The following PLXND1 variants were observed in gnomAD, a reference collection of about 807,000 sequenced individuals.
PLXND1 encodes plexin D1.
Under a neutral mutation model 197.7 loss-of-function variants are expected in PLXND1, and 54 were observed. The observed-to-expected ratio is 0.27, with a 90% CI of 0.22 to 0.34. PLXND1 has a LOEUF of 0.34. PLXND1 is among the 10% of genes least tolerant of loss of function. The probability of loss-of-function intolerance (pLI) is 1.00; values close to 1 mark genes in which losing one functional copy is unlikely to be tolerated. For missense variants in PLXND1, 2,127 were observed against 2,699.2 expected (o/e 0.79, Z 4.70); for synonymous variants, 1,180 against 1,161.2 (o/e 1.02, Z -0.33).
rs577383706 is a variant in PLXND1, at chr3:129,586,207, C to T, written c.1686G>A (p.Ala562=). Residue 562 remains alanine (A), a synonymous_variant, in exon 4 of 36, where the codon GCG becomes GCA. Transcript: ENST00000324093. ...GGGCACACCAGCCGCAGTAGGCGTCCGCCGCACCCACGCAGTCCCCACAGG... is the reference window on the plus strand; with the variant it reads ...GGGCACACCAGCCGCAGTAGGCGTCTGCCGCACCCACGCAGTCCCCACAGG... ...HSTCGDCVGA[A]DAYCGWCALE... The T allele has an allele frequency of 3.9e-5, 63 of 1,604,352 alleles. No homozygotes were observed. The highest frequency in any genetic ancestry group is 2.5e-4 in the East Asian group (11 of 44,638).
Position 129,585,962 on chromosome 3 carries a change from T to C in PLXND1, c.1841A>G (p.Gln614Arg). 5.6e-6 allele frequency: 9 copies of C among 1,614,058 alleles called. No individual in the cohort carries two copies. The highest frequency in any genetic ancestry group is 7.6e-6 in the Non-Finnish European group (9 of 1,180,008). The change falls in exon 5 of 36, where the codon CAG (glutamine) becomes CGG (arginine). Residue 614 changes from glutamine to arginine, a missense_variant. Transcript: ENST00000324093. Reference sequence around the variant, plus strand: ...TCCCCCAGGACTCACTGGGTACTCCTGGCGCACATCGATCTCGGAAGGCAG... The same window carrying C: ...TCCCCCAGGACTCACTGGGTACTCCCGGCGCACATCGATCTCGGAAGGCAG... The part of the protein sequence containing the change: ...TVLPSEIDVR[Q>R]EYPGMILQIS...
intron 1 of PLXND1, among the ~76,000 whole-genome samples, chr3:129,603,271 G>T (rs2085736505): frequency 6.6e-6 from 1 of 152,212 alleles, no homozygotes; most frequent in Non-Finnish European, 1.5e-5. Context: ...TCCCTGGAGA[G>T]GCCCTGTCCC....
In PLXND1 at chr3:129,564,941, G is replaced by A. The variant is rs190735955; in HGVS notation, c.4521+399C>T. Among the ~76,000 whole-genome samples, 258 of 152,352 alleles carry A rather than the reference G, an allele frequency of 1.7e-3. 3 individuals are homozygous for A. The highest frequency in any genetic ancestry group is 6.0e-3 in the African/African-American group (248 of 41,590). On this transcript the variant is annotated intron_variant, in intron 25 of 35. Coordinates refer to ENST00000324093, the MANE Select transcript of PLXND1 (RefSeq NM_015103.3). ...GGCCTCGTGAGCTGAGCTCTGCTGC[G>A]AGGCACTGGCCACCCTGTATTTTGT...
chr3:129,578,496 C>A, intron 8 of PLXND1, 63 bp from the exon 9 acceptor site: 1 of 972,974 alleles, frequency 1.0e-6, no homozygotes. Context: ...CAGGAGGACT[C>A]ACTGCACCCC....
intron 9 of PLXND1, 115 bp downstream of exon 9, chr3:129,578,214 A>C: frequency 2.8e-6 from 2 of 715,952 alleles, no homozygotes; most frequent in South Asian, 3.0e-5. Context: ...CAGGTGCGAA[A>C]GCACTGCAGT....
chr3:129,563,553 T>C (rs2085093907), intron 25 of PLXND1, among the ~76,000 whole-genome samples: 2 of 152,248 alleles, frequency 1.3e-5, no homozygotes, highest in African/African-American at 2.4e-5. Context: ...ATCACCCAGC[T>C]GGGAAGCGGC....
At chr3:129,581,720 T>C (rs969997985) in intron 8 of PLXND1, among the ~76,000 whole-genome samples, 4 of 152,232 alleles carry the variant, frequency 2.6e-5, no homozygotes, top group Non-Finnish European at 5.9e-5. Context: ...AGCTCACACC[T>C]GAGGCTCTTG....
intron 32 of PLXND1, 57 bp downstream of exon 32, chr3:129,559,563 C>G (rs751398040): frequency 2.1e-6 from 3 of 1,424,828 alleles, no homozygotes; most frequent in Non-Finnish European, 2.9e-6. Context: ...CTCTGAACCC[C>G]CTGCCACAGG....
At chr3:129,584,986 C>G (rs1165448112) in intron 5 of PLXND1, among the ~76,000 whole-genome samples, 1 of 152,164 alleles carries the variant, frequency 6.6e-6, no homozygotes, top group Non-Finnish European at 1.5e-5. Context: ...ACCCGCTCCC[C>G]ACCCCTGTTC....
In PLXND1 at chr3:129,557,502, G is replaced by A. The variant is rs556283640; in HGVS notation, c.5446-279C>T. 1.1e-4 allele frequency among the ~76,000 whole-genome samples: 16 copies of A among 152,196 alleles called. No individual in the cohort carries two copies. The highest frequency in any genetic ancestry group is 3.6e-4 in the African/African-American group (15 of 41,520). ...TACTTCTTTCAGGGGAAAAGTGCACGGGCATGCCAGCTCTTCACTGCACGC... is the reference window on the plus strand; with the variant it reads ...TACTTCTTTCAGGGGAAAAGTGCACAGGCATGCCAGCTCTTCACTGCACGC... On this transcript the variant is annotated intron_variant, in intron 33 of 35. Coordinates refer to ENST00000324093, the MANE Select transcript of PLXND1 (RefSeq NM_015103.3). This position sits in a 1 kb window ranked among gnomAD's most constrained non-coding sequence, Gnocchi z 4.8.
At position 129,566,661 on chromosome 3, in the gene PLXND1, G is replaced by A. The variant is rs746685669; in HGVS notation, c.4087-30C>T. ...AGAGGCAGACCCCCAGCATCTCAGC[G>A]GGGCTGGACACCCCCTGCTGGCATG... On this transcript the variant is annotated intron_variant, in intron 22 of 35. Coordinates refer to ENST00000324093, the MANE Select transcript of PLXND1 (RefSeq NM_015103.3). 1.2e-5 allele frequency: 16 copies of A among 1,358,632 alleles called. No homozygotes were observed. In the East Asian group the frequency reaches 1.9e-4, roughly 16 times the overall value. 84.2% of individuals were successfully genotyped at this position (1,358,632 alleles called of 1,614,324 possible).
intron 22 of PLXND1, among the ~76,000 whole-genome samples, chr3:129,567,006 G>A (rs2108770438): frequency 6.6e-6 from 1 of 152,310 alleles, no homozygotes; most frequent in South Asian, 2.1e-4. Context: ...GGTGTGGACA[G>A]GGGAGAGAGG....
At position 129,557,278 on chromosome 3, in the gene PLXND1, G is replaced by A. The variant is rs1248479501; in HGVS notation, c.5446-55C>T. ...GGCTGCTGGAGAAAGGACGGATCTGGTCGTTTTCTGGATGAGCCCTCATCC... is the reference window on the plus strand; with the variant it reads ...GGCTGCTGGAGAAAGGACGGATCTGATCGTTTTCTGGATGAGCCCTCATCC... On this transcript the variant is annotated intron_variant, in intron 33 of 35. Coordinates refer to ENST00000324093, the MANE Select transcript of PLXND1 (RefSeq NM_015103.3). This position sits in a 1 kb window ranked among gnomAD's most constrained non-coding sequence, Gnocchi z 4.8. 6.2e-7 allele frequency: 1 copy of A among 1,603,786 alleles called. No individual in the cohort carries two copies. Among genetic ancestry groups the A allele is most frequent in the African/African-American group, 1.3e-5 (1 of 74,716 alleles).
intron 24 of PLXND1, 100 bp downstream of exon 24, chr3:129,565,787 G>T (rs529488997): frequency 1.6e-6 from 2 of 1,271,676 alleles, no homozygotes; most frequent in South Asian, 2.7e-5. Context: ...GGAATATGGG[G>T]GTGTCAAGAG....
At chr3:129,595,168 GC>G (rs1250316428) in intron 1 of PLXND1, among the ~76,000 whole-genome samples, 2 of 152,326 alleles carry the variant, frequency 1.3e-5, no homozygotes, top group Non-Finnish European at 2.9e-5. Context: ...CAGCCCAGCC[GC>G]ACACAGCCAG....
chr3:129,581,083 A>G (rs1378990539), intron 8 of PLXND1, among the ~76,000 whole-genome samples: 1 of 152,070 alleles, frequency 6.6e-6, no homozygotes, highest in Non-Finnish European at 1.5e-5. Flanking sequence ...TGGGAACGTG[A>G]CAGGAGACTC....
chr3:129,583,449 C>T, intron 8 of PLXND1, 118 bp downstream of exon 8: 1 of 661,984 alleles, frequency 1.5e-6, no homozygotes, highest in Non-Finnish European at 2.7e-6. Context: ...CCCCATATAG[C>T]TGTCAAAGCC....
chr3:129,559,472 T>G (rs2085025047), intron 32 of PLXND1, 148 bp downstream of exon 32: 1 of 635,084 alleles, frequency 1.6e-6, no homozygotes, highest in Non-Finnish European at 2.7e-6. Flanking sequence ...ACAGAGAGGC[T>G]AAGTCACTCA....
chr3:129,592,107 C>G (rs748563105), intron 1 of PLXND1, among the ~76,000 whole-genome samples: 1 of 152,192 alleles, frequency 6.6e-6, no homozygotes, highest in Non-Finnish European at 1.5e-5. Flanking sequence ...GCCATTCCCC[C>G]CCACCCGAGA....
Sources: allele counts gnomAD v4.1 joint callset (sites outside exome capture counted in the v4.1 genomes callset), GRCh38; gene constraint gnomAD v4.1.1; non-coding constraint Gnocchi (gnomAD v3.1); transcripts MANE v1.5; gene names NCBI Gene and HGNC (gene_info 2026-07-23, HGNC 2026-07-21).